Variants in PIGQ observed in about 807,000 individuals in gnomAD.
PIGQ encodes the protein phosphatidylinositol glycan anchor biosynthesis class Q, also known as phosphatidylinositol N-acetylglucosaminyltransferase subunit Q.
PIGQ carries 54 observed loss-of-function variants against 60.3 expected under a neutral mutation model. The observed-to-expected ratio is 0.90, with a 90% CI of 0.72 to 1.12. The LOEUF (loss-of-function observed/expected upper bound fraction) is 1.12. PIGQ is among the 50% of genes most tolerant of loss of function. The pLI, the probability that PIGQ is intolerant of heterozygous loss-of-function variation, is 0.00. For synonymous variants in PIGQ, 416 were observed against 363.7 expected, an observed-to-expected ratio of 1.14 and a Z score of -1.64; for missense variants, 799 against 793.5, an observed-to-expected ratio of 1.01 and a Z score of -0.08.
At chr16:572,469 G>A (rs765969030) in intron 1 of PIGQ, 21 of 455,062 alleles carry the variant, frequency 4.6e-5, no homozygotes, top group Non-Finnish European at 7.1e-5. Context: ...AGGCATTTCC[G>A]TGTGAGGCCT....
rs552032214 is a variant in PIGQ, at chr16:582,775, G to A, written c.1594-108G>A. 3.4e-5 allele frequency: 41 copies of A among 1,211,940 alleles called. No individual in the cohort carries two copies. In the South Asian group the frequency reaches 4.8e-4, roughly 14 times the overall value. 75.1% of individuals were successfully genotyped at this position (1,211,940 alleles called of 1,614,324 possible). On this transcript the variant is annotated intron_variant, in intron 10 of 10. Transcript: ENST00000321878. ...TGGCTTCTCCCACAGGCAAGGGAATGTCTGAGACAGCACTGGCCCTGCCTC... is the reference window on the plus strand; with the variant it reads ...TGGCTTCTCCCACAGGCAAGGGAATATCTGAGACAGCACTGGCCCTGCCTC...
Position 583,613 on chromosome 16 carries a change from C to G in PIGQ, c.*578C>G. 6.2e-7 allele frequency: 1 copy of G among 1,612,782 alleles called. No individual in the cohort carries two copies. Among genetic ancestry groups the G allele is most frequent in the Non-Finnish European group, 8.5e-7 (1 of 1,179,952 alleles). The stretch of plus-strand genomic sequence containing the variant: ...CACACGGGGTTTATTTGCGGATGTT[C>G]CCTGGAGAGGTCGCTTTGTGAAGAA... On this transcript the variant is annotated 3_prime_UTR_variant, in exon 11 of 11. Transcript: ENST00000321878.
At chr16:582,214 G>C (rs1246104131) in intron 9 of PIGQ, 34 bp from the exon 10 acceptor site, 2 of 1,472,528 alleles carry the variant, frequency 1.4e-6, no homozygotes, top group East Asian at 2.5e-5. Context: ...CAGCCCCCAC[G>C]CGTCCCCTCG....
intron 8 of PIGQ, 28 bp from the exon 9 acceptor site, chr16:580,830 G>GCCGGT (rs777355084): frequency 2.9e-6 from 3 of 1,031,272 alleles, no homozygotes; most frequent in Admixed American, 1.7e-5. Context: ...GTCTGGCCGG[G>GCCGGT]CCGGTCCTAA....
intron 2 of PIGQ, among the ~76,000 whole-genome samples, 171 bp from the exon 3 acceptor site, chr16:575,668 C>G (rs763041119): frequency 4.6e-5 from 7 of 152,140 alleles, no homozygotes; most frequent in African/African-American, 1.7e-4. Context: ...GTGAGGTGGG[C>G]GCGTTGAGCG....
intron 9 of PIGQ, among the ~76,000 whole-genome samples, chr16:581,576 C>G (rs772880959): frequency 1.3e-5 from 2 of 151,784 alleles, no homozygotes. Flanking sequence ...GATTCTCCTG[C>G]CTCAGCCTCC....
chr16:572,457 C>T, intron 1 of PIGQ: 1 of 453,610 alleles, frequency 2.2e-6, no homozygotes, highest in Admixed American at 2.4e-5. Context: ...CTCTTAAGCC[C>T]CAGGCATTTC....
chr16:579,015 C>T (rs1182915689), intron 6 of PIGQ, 54 bp from the exon 7 acceptor site: 203 of 305,132 alleles, frequency 6.7e-4, no homozygotes, highest in South Asian at 8.7e-4. Context: ...TCGAGTGGGG[C>T]GGGGGCGGGG....
In PIGQ at chr16:574,459, A is replaced by G; in HGVS notation, c.385A>G (p.Ile129Val). The G allele has an allele frequency of 3.1e-6, 5 of 1,610,902 alleles. No homozygotes were observed. The highest frequency in any genetic ancestry group is 4.2e-6 in the Non-Finnish European group (5 of 1,179,236). Residue 129 changes from isoleucine to valine, a missense_variant, in exon 2 of 11, where the codon ATC becomes GTC. Ile to Val is a conservative substitution (Grantham distance 29). Transcript: ENST00000321878. ...CCCTGGTGAGGACCAGGTCATGCTC[A>G]TCTTCTATGACCAGCGCCAGGTGTT... ...GAPGEDQVML[I>V]FYDQRQVLLS... is the part of the protein sequence containing the mutation.
intron 9 of PIGQ, chr16:581,965 T>C (rs1038204745): frequency 4.2e-6 from 2 of 474,800 alleles, no homozygotes; most frequent in Non-Finnish European, 7.8e-6. Context: ...GGTTTCACCA[T>C]GTTGGCCAGG....
chr16:580,095 C>A lies in PIGQ; in HGVS notation c.1336-88C>A, dbSNP rs1005242067. Reference sequence around the variant, plus strand: ...TCAGGAAGCCGCAAGGTCCCGACTGCAGCTCCGGGATGGGGGAGGGCACAG... The same window carrying A: ...TCAGGAAGCCGCAAGGTCCCGACTGAAGCTCCGGGATGGGGGAGGGCACAG... On this transcript the variant is annotated intron_variant, in intron 7 of 10. Transcript: ENST00000321878. 10 of 1,002,046 alleles carry A rather than the reference C, an allele frequency of 1.0e-5. No homozygotes were observed. The African/African-American group carries it at 1.3e-4, about 13-fold the overall frequency. The allele number at this position is 1,002,046 out of a possible 1,614,324, so 62.1% of individuals were successfully genotyped here.
chr16:583,872 G>A lies in PIGQ; in HGVS notation c.*837G>A, dbSNP rs1463381113. 1 of 590,764 alleles carries A rather than the reference G, an allele frequency of 1.7e-6. No individual in the cohort carries two copies. The allele number at this position is 590,764 out of a possible 1,614,324, so 36.6% of individuals were successfully genotyped here. On this transcript the variant is annotated 3_prime_UTR_variant, in exon 11 of 11. Coordinates refer to ENST00000321878, the MANE Select transcript of PIGQ (RefSeq NM_004204.5). ...TGAGTGGCCTGGGGAGGGGGCCGTG[G>A]CACTGAGGCCGAAAGTGCCTGCCAG...
chr16:574,753 A>G lies in PIGQ; in HGVS notation c.679A>G (p.Ser227Gly). 6.4e-7 allele frequency: 1 copy of G among 1,570,342 alleles called. No homozygotes were observed. Among genetic ancestry groups the G allele is most frequent in the East Asian group, 2.3e-5 (1 of 44,314 alleles). ...CCTGCTGTCGCTGGTCTCAGCTGTC[A>G]GTGCCTGCCGGTAGGTGTCCCGGGA... ...ASLLSLVSAV[S>G]ACRVFKLWPL... The change falls in exon 2 of 11, where the codon AGT becomes GGT. Residue 227 changes from serine (S) to glycine (G), a missense_variant. By Grantham distance (56) the Ser-to-Gly change is moderately conservative. Coordinates refer to ENST00000321878, the MANE Select transcript of PIGQ (RefSeq NM_004204.5).
chr16:577,534 A>ATG (rs1567176149), intron 4 of PIGQ, among the ~76,000 whole-genome samples: 3 of 149,340 alleles, frequency 2.0e-5, no homozygotes, highest in Non-Finnish European at 4.4e-5. Context: ...CCGAGATCTC[A>ATG]CCACTGCACT....
Position 574,496 on chromosome 16 carries a change from T to C in PIGQ, c.422T>C (p.Leu141Pro), listed in dbSNP as rs751953516. The change falls in exon 2 of 11, where the codon CTA becomes CCA. Residue 141 changes from leucine to proline, a missense_variant. Coordinates refer to ENST00000321878, the MANE Select transcript of PIGQ (RefSeq NM_004204.5). ...YDQRQVLLSQ[L>P]HLPTVLPDRQ... ...CAGCGCCAGGTGTTGCTGTCACAGC[T>C]ACACCTGCCCACCGTCCTGCCCGAC... The C allele has an allele frequency of 4.2e-5, 67 of 1,609,086 alleles. No homozygotes were observed. The South Asian group carries it at 5.5e-4, about 13-fold the overall frequency.
rs1055692984 is a variant in PIGQ, at chr16:578,876, C to T, written c.1161C>T (p.Leu387=). The part of the protein sequence containing the change: ...ACLGLTVALS[L]LSDIIALLTF... ...TGGGCCTGACGGTGGCCCTGTCCCT[C>T]CTCTCGGACATTATCGCCCTCCTCA... Residue 387 remains leucine, a synonymous_variant, in exon 6 of 11, where the codon CTC becomes CTT. Transcript: ENST00000321878. 1 of 1,613,852 alleles carries T rather than the reference C, an allele frequency of 6.2e-7. No individual in the cohort carries two copies. The highest frequency in any genetic ancestry group is 1.7e-5 in the Admixed American group (1 of 60,026).
intron 5 of PIGQ, 22 bp downstream of exon 5, chr16:578,527 G>GCCCCAGGGA (rs770511116): frequency 6.8e-6 from 11 of 1,606,144 alleles, no homozygotes; most frequent in Admixed American, 1.7e-5. Context: ...GCAGGCGGGG[G>GCCCCAGGGA]CCCCAGGGAC....
At position 583,527 on chromosome 16, in the gene PIGQ, G is replaced by A. The variant is rs748715859; in HGVS notation, c.*492G>A. 6.8e-6 allele frequency: 11 copies of A among 1,612,490 alleles called. No individual in the cohort carries two copies. Among genetic ancestry groups the A allele is most frequent in the Non-Finnish European group, 4.2e-6 (5 of 1,179,816 alleles). ...CTCAGCCGAACAGCACCCTGCATCT[G>A]GGGGATTGAAGCAGTCGCTGACCCC... is the stretch of plus-strand genomic sequence containing the variant. On this transcript the variant is annotated 3_prime_UTR_variant, in exon 11 of 11. Transcript: ENST00000321878.
chr16:582,628 G>A (rs2035831588), intron 10 of PIGQ: 3 of 585,212 alleles, frequency 5.1e-6, no homozygotes, highest in Non-Finnish European at 9.1e-6. Flanking sequence ...CCTGGGGTGG[G>A]GTGTGCGTCC....
Sources: allele counts gnomAD v4.1 joint callset (sites outside exome capture counted in the v4.1 genomes callset), GRCh38; gene constraint gnomAD v4.1.1; transcripts MANE v1.5; gene names NCBI Gene and HGNC (gene_info 2026-07-23, HGNC 2026-07-21).